The following MALRD1 variants were observed in gnomAD, a reference collection of about 807,000 sequenced individuals.
MALRD1 encodes the protein MAM and LDL-receptor class A domain-containing protein 1.
MALRD1 carries 247 observed loss-of-function variants against 242.1 expected under a neutral mutation model. That is an observed-to-expected ratio of 1.02 (90% CI 0.92 to 1.13). The LOEUF (loss-of-function observed/expected upper bound fraction) is 1.13. MALRD1 is among the 50% of genes most tolerant of loss of function. The probability of loss-of-function intolerance (pLI) is 0.00; values close to 1 mark genes in which losing one functional copy is unlikely to be tolerated. For missense variants in MALRD1, 2,989 were observed against 2,533.1 expected, an observed-to-expected ratio of 1.18 and a Z score of -3.86; for synonymous variants, 995 against 866.6, an observed-to-expected ratio of 1.15 and a Z score of -2.60.
intron 28 of MALRD1, among the ~76,000 whole-genome samples, chr10:19,421,615 T>A (rs959350599): frequency 2.6e-5 from 4 of 152,244 alleles, no homozygotes; most frequent in African/African-American, 7.2e-5. Flanking sequence ...TTTTGCTAAA[T>A]GCATCAATAA....
intron 21 of MALRD1, among the ~76,000 whole-genome samples, chr10:19,302,540 A>G (rs1328692753): frequency 1.3e-5 from 2 of 151,964 alleles, no homozygotes; most frequent in East Asian, 1.9e-4. Context: ...ATGCAAGGCC[A>G]CATGTATTTT....
intron 32 of MALRD1, among the ~76,000 whole-genome samples, chr10:19,535,029 G>A (rs541465711): frequency 6.6e-6 from 1 of 152,074 alleles, no homozygotes; most frequent in African/African-American, 2.4e-5. Flanking sequence ...GGGATTACAG[G>A]CAGGTGCCAC....
chr10:19,164,089 T>A (rs1834564300), intron 12 of MALRD1, among the ~76,000 whole-genome samples: 1 of 152,224 alleles, frequency 6.6e-6, no homozygotes. Context: ...TCCATGGAAT[T>A]TAATTAAACA....
At chr10:19,223,221 C>G (rs1329593029) in intron 18 of MALRD1, among the ~76,000 whole-genome samples, 1 of 152,000 alleles carries the variant, frequency 6.6e-6, no homozygotes, top group Non-Finnish European at 1.5e-5. Flanking sequence ...ATTTCAAGGT[C>G]TGAAAAGAAA....
At chr10:19,134,041 G>A (rs1405368943) in intron 9 of MALRD1, 93 bp downstream of exon 9, 4 of 512,578 alleles carry the variant, frequency 7.8e-6, no homozygotes, top group African/African-American at 5.9e-5. Context: ...AGTTAAATTA[G>A]CAGTTAAGTT....
intron 21 of MALRD1, among the ~76,000 whole-genome samples, chr10:19,283,989 G>A (rs1005940459): frequency 1.3e-5 from 2 of 152,174 alleles, no homozygotes; most frequent in Non-Finnish European, 1.5e-5. Flanking sequence ...CTGCTACACA[G>A]CAGAAGGGAA....
At chr10:19,050,195 C>T (rs1834446923) in intron 1 of MALRD1, among the ~76,000 whole-genome samples, 1 of 145,036 alleles carries the variant, frequency 6.9e-6, no homozygotes, top group South Asian at 2.2e-4. Flanking sequence ...TCACGCCATT[C>T]TCCTGCCTCA....
intron 36 of MALRD1, among the ~76,000 whole-genome samples, chr10:19,645,965 C>A (rs879422437): frequency 6.6e-6 from 1 of 151,968 alleles, no homozygotes; most frequent in Non-Finnish European, 1.5e-5. Flanking sequence ...TGTTTTCCTA[C>A]GAAAACAAAT....
At position 19,520,645 on chromosome 10, in the gene MALRD1, A is replaced by G. The variant is rs369081455; in HGVS notation, c.5321-10549A>G. ...TTGCTTGTTAACCACAATTAGAATA[A>G]AAGTGTTTCTCTATGAAACCATAGT... is the stretch of plus-strand genomic sequence containing the variant. On this transcript the variant is annotated intron_variant, in intron 31 of 39. Transcript: ENST00000454679. Among the ~76,000 whole-genome samples, 20 of 152,322 alleles carry G rather than the reference A, an allele frequency of 1.3e-4. No homozygotes were observed. The East Asian group carries it at 1.4e-3, about 10-fold the overall frequency.
At chr10:19,098,917 T>A (rs1836143983) in intron 4 of MALRD1, among the ~76,000 whole-genome samples, 1 of 152,138 alleles carries the variant, frequency 6.6e-6, no homozygotes, top group South Asian at 2.1e-4. Context: ...GCACTAAAGA[T>A]TGGTCAGACT....
chr10:19,062,464 A>T (rs556348334), intron 1 of MALRD1, among the ~76,000 whole-genome samples: 1 of 152,336 alleles, frequency 6.6e-6, no homozygotes, highest in Non-Finnish European at 1.5e-5. Context: ...GGACTCGAAC[A>T]AGTATTTGTA....
chr10:19,555,742 T>C (rs1835691106), intron 32 of MALRD1, among the ~76,000 whole-genome samples: 1 of 152,158 alleles, frequency 6.6e-6, no homozygotes, highest in Non-Finnish European at 1.5e-5. Context: ...CCCCCTTTGA[T>C]AGATTAATGT....
chr10:19,424,619 C>A (rs1388113874), intron 28 of MALRD1, among the ~76,000 whole-genome samples: 1 of 151,270 alleles, frequency 6.6e-6, no homozygotes, highest in Non-Finnish European at 1.5e-5. Flanking sequence ...TTCAGTGTTA[C>A]AATTAAAATA....
intron 33 of MALRD1, among the ~76,000 whole-genome samples, chr10:19,567,957 G>A (rs765617414): frequency 6.6e-6 from 1 of 152,104 alleles, no homozygotes; most frequent in East Asian, 1.9e-4. Flanking sequence ...TTTGTTCGGT[G>A]AATGTAGCTT....
At chr10:19,049,195 C>T (rs1834413673) in intron 1 of MALRD1, 58 bp downstream of exon 1, 6 of 1,213,222 alleles carry the variant, frequency 4.9e-6, no homozygotes, top group Non-Finnish European at 6.2e-6. Context: ...AAACGAGGGC[C>T]TCTGAGCAGT....
intron 38 of MALRD1, among the ~76,000 whole-genome samples, chr10:19,719,907 T>C (rs1163348597): frequency 6.6e-6 from 1 of 152,140 alleles, no homozygotes; most frequent in Non-Finnish European, 1.5e-5. Context: ...TACATTCTCT[T>C]ATAATTTCTC....
At chr10:19,426,952 A>G (rs371191920) in intron 28 of MALRD1, among the ~76,000 whole-genome samples, 13 of 152,286 alleles carry the variant, frequency 8.5e-5, no homozygotes, top group African/African-American at 2.9e-4. Flanking sequence ...TGTGTGTTGT[A>G]TGTGCATGTC....
At chr10:19,465,289 G>A (rs1184726310) in intron 29 of MALRD1, among the ~76,000 whole-genome samples, 1 of 152,022 alleles carries the variant, frequency 6.6e-6, no homozygotes, top group Non-Finnish European at 1.5e-5. Context: ...TCTTGTTACG[G>A]TTCTCAAAGG....
intron 29 of MALRD1, among the ~76,000 whole-genome samples, chr10:19,453,920 G>A (rs1413054459): frequency 1.3e-5 from 2 of 151,934 alleles, no homozygotes; most frequent in African/African-American, 4.8e-5. Context: ...CAAGCATTGT[G>A]GCTTGCGCCT....
Sources: allele counts gnomAD v4.1 joint callset (sites outside exome capture counted in the v4.1 genomes callset), GRCh38; gene constraint gnomAD v4.1.1; transcripts MANE v1.5; gene names NCBI Gene and HGNC (gene_info 2026-07-23, HGNC 2026-07-21).